PDE7A: variants seen among roughly 807,000 people sequenced by gnomAD.
The protein encoded by PDE7A is phosphodiesterase 7A, also known as high affinity 3',5'-cyclic-AMP phosphodiesterase 7A.
A neutral mutation model predicts 64.3 loss-of-function variants in PDE7A; 39 were observed. That is an observed-to-expected ratio of 0.61 (90% CI 0.47 to 0.79). PDE7A has a LOEUF of 0.79. Ranked by LOEUF, PDE7A falls within the 30% of genes least tolerant of loss-of-function variation. The pLI is 0.00. For missense variants in PDE7A, 470 were observed against 582.8 expected (o/e 0.81, Z 1.99); for synonymous variants, 203 against 206.8 (o/e 0.98, Z 0.16).
In PDE7A at chr8:65,785,828, T is replaced by C. The variant is rs560729013; in HGVS notation, c.139-2985A>G. On this transcript the variant is annotated intron_variant, in intron 1 of 12. Coordinates refer to ENST00000401827, the MANE Select transcript of PDE7A (RefSeq NM_001242318.3). ...CTCTTTAGGAGGGGAGTTGACATTA[T>C]TATTATGATTTTTTTTTAATGTAGG... Among the ~76,000 whole-genome samples the C allele has an allele frequency of 1.7e-4, 19 of 111,584 alleles. 1 individual carries two copies. In the South Asian group the frequency reaches 3.8e-3, roughly 22 times the overall value. The allele number at this position is 111,584 out of a possible 152,430, so 73.2% of individuals were successfully genotyped here.
In PDE7A at chr8:65,789,036, C is replaced by T. The variant is rs1809633420; in HGVS notation, c.139-6193G>A. 5.2e-6 allele frequency: 8 copies of T among 1,534,220 alleles called. No homozygotes were observed. The South Asian group carries it at 1.0e-4, about 20-fold the overall frequency. On this transcript the variant is annotated intron_variant, in intron 1 of 12. Coordinates refer to ENST00000401827, the MANE Select transcript of PDE7A (RefSeq NM_001242318.3). ...CTGATAAATACCAGCTGTCCCGAGG[C>T]AAAAGAGAGGGGACACTGACTGCCT...
In PDE7A at chr8:65,759,026, C is replaced by T. The variant is rs1223510790; in HGVS notation, c.284-11223G>A. ...AGGGGGCAAAAGGAACATGTCTTGACTCAGCCCATCTCTACACTGCTGCAG... is the reference window on the plus strand; with the variant it reads ...AGGGGGCAAAAGGAACATGTCTTGATTCAGCCCATCTCTACACTGCTGCAG... On this transcript the variant is annotated intron_variant, in intron 3 of 12. Coordinates refer to ENST00000401827, the MANE Select transcript of PDE7A (RefSeq NM_001242318.3). Among the ~76,000 whole-genome samples, 5 of 152,176 alleles carry T rather than the reference C, an allele frequency of 3.3e-5. No individual in the cohort carries two copies. In the South Asian group the frequency reaches 8.3e-4, roughly 25 times the overall value.
intron 1 of PDE7A, chr8:65,789,144 C>T: frequency 9.8e-7 from 1 of 1,024,780 alleles, no homozygotes. Context: ...TTACCCAGCG[C>T]ATGCTTCATG....
chr8:65,716,446 G>C lies in PDE7A; in HGVS notation c.*2844C>G, dbSNP rs1002042275. Among the ~76,000 whole-genome samples the C allele has an allele frequency of 3.9e-5, 6 of 152,122 alleles. No homozygotes were observed. Among genetic ancestry groups the C allele is most frequent in the African/African-American group, 1.4e-4 (6 of 41,412 alleles). On this transcript the variant is annotated 3_prime_UTR_variant, in exon 13 of 13. Coordinates refer to ENST00000401827, the MANE Select transcript of PDE7A (RefSeq NM_001242318.3). Reference sequence around the variant, plus strand: ...GCCAATCAGAAGCTGATGTAGAGAAGCAACTACTGGCAGAGAATCTCTAGC... The same window carrying C: ...GCCAATCAGAAGCTGATGTAGAGAACCAACTACTGGCAGAGAATCTCTAGC...
chr8:65,742,505 T>C (rs1336596798), intron 5 of PDE7A, among the ~76,000 whole-genome samples: 2 of 152,216 alleles, frequency 1.3e-5, no homozygotes, highest in Non-Finnish European at 2.9e-5. Context: ...TCCTCTGCCT[T>C]GCTGTTCTTC....
intron 1 of PDE7A, among the ~76,000 whole-genome samples, chr8:65,812,611 T>C (rs995674014): frequency 3.9e-5 from 6 of 151,992 alleles, no homozygotes; most frequent in African/African-American, 1.5e-4. Flanking sequence ...ACAAAAAAAC[T>C]ACCATAAAAA....
At chr8:65,808,855 G>C (rs1810173730) in intron 1 of PDE7A, among the ~76,000 whole-genome samples, 1 of 152,078 alleles carries the variant, frequency 6.6e-6, no homozygotes, top group African/African-American at 2.4e-5. Flanking sequence ...ATTCTTTGTT[G>C]CTATTTATAA....
chr8:65,820,791 C>T (rs1479237818), intron 1 of PDE7A, among the ~76,000 whole-genome samples: 1 of 152,162 alleles, frequency 6.6e-6, no homozygotes, highest in African/African-American at 2.4e-5. Context: ...GGTTTCACCA[C>T]GTTGGCCAGG....
At position 65,723,612 on chromosome 8, in the gene PDE7A, T is replaced by C; in HGVS notation, c.1172A>G (p.Glu391Gly). Reference protein sequence around the residue: ...TEEFFHQGDIEKKYHLGVSPL... With the variant: ...TEEFFHQGDIGKKYHLGVSPL... ...ACTCACACCCAAATGATATTTTTTT[T>C]CTATATCTCCTATAAATTAAAAAAA... The change falls in exon 12 of 13, where the codon GAA becomes GGA. Residue 391 changes from glutamate (E) to glycine (G), a missense_variant. By Grantham distance (98) the Glu-to-Gly change is moderately conservative. Transcript: ENST00000401827. 1 of 1,565,534 alleles carries C rather than the reference T, an allele frequency of 6.4e-7. No individual in the cohort carries two copies. Among genetic ancestry groups the C allele is most frequent in the Non-Finnish European group, 8.6e-7 (1 of 1,159,642 alleles).
chr8:65,778,883 C>T lies in PDE7A; in HGVS notation c.283+837G>A, dbSNP rs115242272. Reference sequence around the variant, plus strand: ...AGACATAGCACTTTAGGATTCCAACCGAAGCCTGAATGGTTTACCAGCACC... The same window carrying T: ...AGACATAGCACTTTAGGATTCCAACTGAAGCCTGAATGGTTTACCAGCACC... On this transcript the variant is annotated intron_variant, in intron 3 of 12. Coordinates refer to ENST00000401827, the MANE Select transcript of PDE7A (RefSeq NM_001242318.3). Among the ~76,000 whole-genome samples the T allele has an allele frequency of 2.4e-3, 363 of 152,300 alleles. 1 individual carries two copies. Among genetic ancestry groups the T allele is most frequent in the African/African-American group, 8.3e-3 (347 of 41,566 alleles).
At chr8:65,740,364 C>A (rs1184735521) in intron 5 of PDE7A, among the ~76,000 whole-genome samples, 1 of 152,082 alleles carries the variant, frequency 6.6e-6, no homozygotes, top group East Asian at 1.9e-4. Flanking sequence ...TTCTCCACAG[C>A]CTCATATGTC....
chr8:65,769,666 C>T (rs1452265731), intron 3 of PDE7A, among the ~76,000 whole-genome samples: 1 of 152,096 alleles, frequency 6.6e-6, no homozygotes, highest in Admixed American at 6.6e-5. Flanking sequence ...GAGGCTGACG[C>T]AGGCAGATGA....
intron 4 of PDE7A, among the ~76,000 whole-genome samples, chr8:65,746,728 T>G (rs1807693612): frequency 6.6e-6 from 1 of 152,180 alleles, no homozygotes; most frequent in Non-Finnish European, 1.5e-5. Flanking sequence ...ACAAATGACA[T>G]AGAGATCAAT....
intron 3 of PDE7A, 38 bp downstream of exon 3, chr8:65,779,682 G>T: frequency 2.9e-6 from 3 of 1,026,218 alleles, no homozygotes; most frequent in South Asian, 1.4e-5. Context: ...AAAATTTGTA[G>T]TGAAAATCCG....
At chr8:65,830,612 A>G (rs980863870) in intron 1 of PDE7A, among the ~76,000 whole-genome samples, 2 of 152,154 alleles carry the variant, frequency 1.3e-5, no homozygotes, top group African/African-American at 4.8e-5. Flanking sequence ...ACAAAATTTT[A>G]CTTTAATACT....
chr8:65,767,001 A>AAAC (rs149118435), intron 3 of PDE7A, among the ~76,000 whole-genome samples: 10,606 of 150,934 alleles, frequency 0.07, 483 homozygotes, highest in Non-Finnish European at 0.1. Flanking sequence ...TGCTCATTCA[A>AAAC]AACAACAACA....
At chr8:65,728,114 T>C (rs1563472386) in intron 7 of PDE7A, 1 of 152,184 alleles carries the variant, frequency 6.6e-6, no homozygotes, top group Non-Finnish European at 1.5e-5. Flanking sequence ...CCTGCCACAA[T>C]ACCACTCATC....
intron 3 of PDE7A, among the ~76,000 whole-genome samples, chr8:65,771,488 A>T (rs1585904182): frequency 6.6e-6 from 1 of 152,150 alleles, no homozygotes; most frequent in African/African-American, 2.4e-5. Flanking sequence ...GTTGATATCG[A>T]TCTCCCTCTA....
chr8:65,771,884 CAAAAAA>C (rs36101490), intron 3 of PDE7A, among the ~76,000 whole-genome samples: 1 of 55,836 alleles, frequency 1.8e-5, no homozygotes, highest in Non-Finnish European at 3.7e-5. Context: ...CTCCATCTCT[CAAAAAA>C]AAAAAAAAAA....
Sources: allele counts gnomAD v4.1 joint callset (sites outside exome capture counted in the v4.1 genomes callset), GRCh38; gene constraint gnomAD v4.1.1; transcripts MANE v1.5; gene names NCBI Gene and HGNC (gene_info 2026-07-23, HGNC 2026-07-21).